RAB33A: variants seen among roughly 807,000 people sequenced by gnomAD.
The protein encoded by RAB33A is RAB33A, member RAS oncogene family.
RAB33A carries 6 observed loss-of-function variants against 12.0 expected under a neutral mutation model. The ratio of observed to expected loss-of-function variants is 0.50; its 90% CI spans 0.27 to 0.99. The LOEUF is 0.99. Among genes scored for constraint, RAB33A ranks in the 50% least tolerant of loss-of-function variants. The probability of loss-of-function intolerance (pLI) is 0.11; values close to 1 mark genes in which losing one functional copy is unlikely to be tolerated. For missense variants in RAB33A, 109 were observed against 192.0 expected (o/e 0.57, Z 2.55); for synonymous variants, 70 against 82.4 (o/e 0.85, Z 0.81).
chrX:130,172,414 C>G, intron 1 of RAB33A, 94 bp downstream of exon 1: 2 of 1,078,036 alleles, frequency 1.9e-6, no homozygotes, highest in South Asian at 4.5e-5. Context: ...CAGCGTCCAG[C>G]GCGTGGCGGT....
the RAB33A span, among the ~76,000 whole-genome samples, chrX:130,125,521 G>C: frequency 1.8e-5 from 2 of 111,117 alleles, no homozygotes; most frequent in African/African-American, 6.6e-5. Flanking sequence ...CAAGGCACTG[G>C]GAGCGAGTCC....
the RAB33A span, chrX:130,155,148 C>T: frequency 1.2e-5 from 15 of 1,210,773 alleles, no homozygotes; most frequent in Non-Finnish European, 5.6e-6. Context: ...TTAGTGTAAG[C>T]ATCTTACATA....
the RAB33A span, among the ~76,000 whole-genome samples, chrX:130,111,620 G>T: frequency 8.9e-6 from 1 of 112,038 alleles, no homozygotes; most frequent in African/African-American, 3.2e-5. Context: ...GGTGGGGGAC[G>T]CTGGCAAGAT....
At chrX:130,139,542 T>C in the RAB33A span, among the ~76,000 whole-genome samples, 2 of 111,190 alleles carry the variant, frequency 1.8e-5, no homozygotes, top group Non-Finnish European at 3.8e-5. Context: ...AAAACAACTA[T>C]GGAAGAGCAA....
chrX:130,150,021 C>T, the RAB33A span, among the ~76,000 whole-genome samples: 3 of 111,554 alleles, frequency 2.7e-5, no homozygotes, highest in East Asian at 5.6e-4. Context: ...GTCAACATTC[C>T]GGCTTTTGCT....
chrX:130,116,581 C>T, the RAB33A span, among the ~76,000 whole-genome samples: 1 of 112,274 alleles, frequency 8.9e-6, no homozygotes, highest in South Asian at 3.7e-4. Context: ...CGTAAGCCAT[C>T]GCGCCTGGCC....
Position 130,184,753 on chromosome X carries a change from T to C in RAB33A, c.*13T>C. 8.4e-7 allele frequency: 1 copy of C among 1,189,438 alleles called. No individual in the cohort carries two copies. The highest frequency in any genetic ancestry group is 3.0e-5 in the East Asian group (1 of 33,580). On this transcript the variant is annotated 3_prime_UTR_variant, in exon 2 of 2. Transcript: ENST00000257017. ...CTGTCCTTGTTGAAACCAAACGATA[T>C]AAATACAAGATAAATTATCACTGGA...
the RAB33A span, chrX:130,136,535 C>A: frequency 1.4e-6 from 1 of 715,450 alleles, no homozygotes. Flanking sequence ...AGGTTAATGG[C>A]AACTGCCAGG....
chrX:130,138,325 C>T, the RAB33A span, among the ~76,000 whole-genome samples: 1 of 110,022 alleles, frequency 9.1e-6, no homozygotes, highest in Non-Finnish European at 1.9e-5. Context: ...ATTAGCCAGG[C>T]GTGGTTACAG....
the RAB33A span, among the ~76,000 whole-genome samples, chrX:130,118,340 C>T: frequency 8.9e-6 from 1 of 112,566 alleles, no homozygotes; most frequent in South Asian, 3.6e-4. Context: ...ATTTCATCCA[C>T]TCTGCATCCT....
intron 1 of RAB33A, among the ~76,000 whole-genome samples, chrX:130,172,615 C>G (rs758638267): frequency 6.3e-5 from 7 of 111,972 alleles, no homozygotes; most frequent in Non-Finnish European, 1.3e-4. Context: ...ACCCCTACCC[C>G]GAGCAGCGGC....
the RAB33A span, among the ~76,000 whole-genome samples, chrX:130,118,200 TG>T: frequency 8.9e-6 from 1 of 112,005 alleles, no homozygotes; most frequent in Non-Finnish European, 1.9e-5. Flanking sequence ...GGAGGGCACT[TG>T]GAGAGGAGAG....
chrX:130,149,609 G>A, the RAB33A span: 2 of 930,210 alleles, frequency 2.2e-6, no homozygotes, highest in Non-Finnish European at 1.6e-6. Context: ...TCACCATACA[G>A]CTAGCTCATA....
chrX:130,167,458 T>A (rs781349697), upstream of RAB33A, among the ~76,000 whole-genome samples: 1 of 113,224 alleles, frequency 8.8e-6, no homozygotes, highest in Non-Finnish European at 1.9e-5. Flanking sequence ...GAAGTATTGA[T>A]GTGGTCAGGC....
chrX:130,184,805 C>T lies in RAB33A; in HGVS notation c.*65C>T, dbSNP rs1286907880. ...TTTTTTCTTTCCCTTTTTTCTGTGCCTGCATAATGCTGACACCTGCTTGTT... is the reference window on the plus strand; with the variant it reads ...TTTTTTCTTTCCCTTTTTTCTGTGCTTGCATAATGCTGACACCTGCTTGTT... On this transcript the variant is annotated 3_prime_UTR_variant, in exon 2 of 2. Transcript: ENST00000257017. The T allele has an allele frequency of 1.0e-6, 1 of 961,274 alleles. No individual in the cohort carries two copies. The highest frequency in any genetic ancestry group is 1.4e-6 in the Non-Finnish European group (1 of 699,871). 79.2% of individuals were successfully genotyped at this position (961,274 alleles called of 1,213,427 possible). A position where few individuals can be genotyped will look rare whatever the true frequency, so the allele number is the denominator to read the frequency against.
the RAB33A span, among the ~76,000 whole-genome samples, chrX:130,146,449 A>ATGTGTGTG: frequency 2.3e-4 from 15 of 65,140 alleles, no homozygotes; most frequent in Admixed American, 1.4e-3. Context: ...GTCTCTCAAA[A>ATGTGTGTG]TATGTGTGTG....
the RAB33A span, among the ~76,000 whole-genome samples, chrX:130,132,459 TAA>T: frequency 8.8e-6 from 1 of 113,106 alleles, no homozygotes; most frequent in African/African-American, 3.2e-5. Flanking sequence ...TTTGAAGCTT[TAA>T]AGAGTGTTCC....
At chrX:130,116,631 C>T in the RAB33A span, among the ~76,000 whole-genome samples, 3 of 112,325 alleles carry the variant, frequency 2.7e-5, no homozygotes, top group Non-Finnish European at 5.6e-5. Context: ...TTTCTTCCTC[C>T]CTCTCCTCAC....
the RAB33A span, among the ~76,000 whole-genome samples, chrX:130,157,083 T>C: frequency 2.7e-4 from 30 of 111,681 alleles, no homozygotes; most frequent in African/African-American, 4.6e-4. Flanking sequence ...TGAAAGGTAA[T>C]GTGTCCTGGA....
Sources: allele counts gnomAD v4.1 joint callset (sites outside exome capture counted in the v4.1 genomes callset), GRCh38; gene constraint gnomAD v4.1.1; transcripts MANE v1.5; gene names NCBI Gene and HGNC (gene_info 2026-07-23, HGNC 2026-07-21).